Variants in KIAA1217 observed in about 807,000 individuals in gnomAD.
KIAA1217 encodes the protein KIAA1217, also known as sickle tail protein homolog.
KIAA1217 carries 88 observed loss-of-function variants against 163.9 expected under a neutral mutation model. The ratio of observed to expected loss-of-function variants is 0.54; its 90% CI spans 0.45 to 0.64. The LOEUF (loss-of-function observed/expected upper bound fraction) is 0.64. Among genes scored for constraint, KIAA1217 ranks in the 30% least tolerant of loss-of-function variants. The pLI is 0.00. For synonymous variants in KIAA1217, 903 were observed against 923.1 expected (o/e 0.98, Z 0.39); for missense variants, 2,372 against 2,475.0 (o/e 0.96, Z 0.88).
chr10:24,392,041 C>T (rs1034205504), intron 3 of KIAA1217, among the ~76,000 whole-genome samples: 1 of 152,084 alleles, frequency 6.6e-6, no homozygotes, highest in Non-Finnish European at 1.5e-5. Context: ...CTGGCTTCAT[C>T]AAAACCAATA....
chr10:23,928,248 A>G (rs140619745), intron 1 of KIAA1217, among the ~76,000 whole-genome samples: 3 of 152,290 alleles, frequency 2.0e-5, no homozygotes, highest in Admixed American at 6.5e-5. Context: ...CACGGTCCAG[A>G]TGGACTGGGG....
intron 2 of KIAA1217, among the ~76,000 whole-genome samples, chr10:24,335,048 A>G (rs2046167913): frequency 6.6e-6 from 1 of 152,224 alleles, no homozygotes; most frequent in African/African-American, 2.4e-5. Context: ...CCATCAACTG[A>G]TGAGCTAATA....
intron 1 of KIAA1217, among the ~76,000 whole-genome samples, chr10:23,964,383 C>T (rs192152197): frequency 1.3e-5 from 2 of 151,798 alleles, no homozygotes; most frequent in Non-Finnish European, 2.9e-5. Flanking sequence ...AAATTTTCTC[C>T]CATTCTGTAT....
At chr10:24,211,898 A>T (rs1284086465) in intron 1 of KIAA1217, among the ~76,000 whole-genome samples, 1 of 151,796 alleles carries the variant, frequency 6.6e-6, no homozygotes, top group African/African-American at 2.4e-5. Flanking sequence ...TAGAAAAAAA[A>T]ATTTAGCTAG....
chr10:24,506,427 T>C (rs1211193927), intron 9 of KIAA1217, among the ~76,000 whole-genome samples: 1 of 152,216 alleles, frequency 6.6e-6, no homozygotes, highest in African/African-American at 2.4e-5. Context: ...ATTTGCTAGT[T>C]TCTCCATGAA....
chr10:23,714,512 A>G (rs1447185933), intron 1 of KIAA1217, among the ~76,000 whole-genome samples: 1 of 152,060 alleles, frequency 6.6e-6, no homozygotes, highest in Non-Finnish European at 1.5e-5. Context: ...TGCAACTTGG[A>G]CTTTCCTGAA....
intron 2 of KIAA1217, among the ~76,000 whole-genome samples, chr10:24,115,789 G>T (rs2063028537): frequency 6.6e-6 from 1 of 152,204 alleles, no homozygotes; most frequent in East Asian, 1.9e-4. Flanking sequence ...CCTTGGAACT[G>T]GGGAGGTTCC....
chr10:23,818,014 C>T (rs1177790865), intron 1 of KIAA1217, among the ~76,000 whole-genome samples: 3,468 of 107,306 alleles, frequency 0.032, 319 homozygotes, highest in African/African-American at 0.13. Context: ...TATATACACA[C>T]ATATATATAC....
At chr10:24,259,091 C>T (rs7069996) in intron 2 of KIAA1217, among the ~76,000 whole-genome samples, 110,328 of 151,888 alleles carry the variant, frequency 0.73, 40,259 homozygotes, top group Admixed American at 0.79. Context: ...GAGATTCCAG[C>T]GAAAATCAGC....
intron 2 of KIAA1217, among the ~76,000 whole-genome samples, chr10:24,048,145 T>C (rs1178254099): frequency 2.0e-5 from 3 of 152,218 alleles, no homozygotes; most frequent in African/African-American, 4.8e-5. Context: ...TGGCAACTTA[T>C]GCTCACAGTT....
chr10:23,825,530 T>G (rs1416071364), intron 1 of KIAA1217, among the ~76,000 whole-genome samples: 3 of 152,190 alleles, frequency 2.0e-5, no homozygotes, highest in Non-Finnish European at 4.4e-5. Context: ...GTATTTCAGA[T>G]TGATTTTGGT....
intron 1 of KIAA1217, among the ~76,000 whole-genome samples, chr10:24,006,529 G>T (rs1242075661): frequency 2.6e-5 from 4 of 152,094 alleles, no homozygotes; most frequent in African/African-American, 9.7e-5. Context: ...GCAGGGGGAG[G>T]TTGCAATGTC....
chr10:24,220,446 C>CTTTTTTT lies in KIAA1217; in HGVS notation c.354+557_354+563dup, dbSNP rs530992369. Among the ~76,000 whole-genome samples the CTTTTTTT allele has an allele frequency of 1.4e-3, 148 of 103,086 alleles. 25 individuals are homozygous for CTTTTTTT. The highest frequency in any genetic ancestry group is 6.9e-3 in the African/African-American group (138 of 20,044). 67.6% of individuals were successfully genotyped at this position (103,086 alleles called of 152,430 possible). On this transcript the variant is annotated intron_variant, in intron 2 of 20. Coordinates refer to ENST00000376454, the MANE Select transcript of KIAA1217 (RefSeq NM_019590.5). ...ACATTAGGGTTTTGTTTCTGCTCTT[C>CTTTTTTT]TTTTTTTTTTTTTTTTTTTTTTTTT...
At chr10:24,470,703 A>G (rs954714223) in intron 5 of KIAA1217, among the ~76,000 whole-genome samples, 9 of 152,200 alleles carry the variant, frequency 5.9e-5, no homozygotes, top group African/African-American at 1.7e-4. Context: ...AATAGCCCCT[A>G]TAGGAGCCAA....
intron 3 of KIAA1217, among the ~76,000 whole-genome samples, chr10:24,390,786 A>G (rs750746312): frequency 8.5e-5 from 13 of 152,212 alleles, no homozygotes; most frequent in Non-Finnish European, 1.6e-4. Flanking sequence ...TTTCTTCAGT[A>G]TAGTGAAGCA....
At chr10:23,729,545 A>G (rs138971803) in intron 1 of KIAA1217, among the ~76,000 whole-genome samples, 5 of 152,268 alleles carry the variant, frequency 3.3e-5, no homozygotes, top group African/African-American at 1.2e-4. Context: ...TTATCTGAGG[A>G]CATATCATAT....
At chr10:24,013,650 A>G (rs1261788327) in intron 2 of KIAA1217, among the ~76,000 whole-genome samples, 2 of 152,108 alleles carry the variant, frequency 1.3e-5, no homozygotes, top group Non-Finnish European at 2.9e-5. Flanking sequence ...CTTTAATGTG[A>G]CTCAGAAATG....
chr10:23,863,416 A>G (rs139980718), intron 1 of KIAA1217, among the ~76,000 whole-genome samples: 68 of 152,274 alleles, frequency 4.5e-4, no homozygotes, highest in African/African-American at 1.6e-3. Flanking sequence ...GGGCTTTTCC[A>G]TATTTAATGA....
intron 2 of KIAA1217, among the ~76,000 whole-genome samples, chr10:24,168,137 A>G (rs1009795857): frequency 6.6e-6 from 1 of 152,164 alleles, no homozygotes; most frequent in African/African-American, 2.4e-5. Context: ...CTGAACTTGA[A>G]TCCTGGGGAT....
Sources: gnomAD v4.1 joint callset for allele counts (sites outside exome capture counted in the v4.1 genomes callset) on GRCh38, gnomAD v4.1.1 for gene constraint, MANE v1.5 for transcripts, NCBI Gene and HGNC (gene_info 2026-07-23, HGNC 2026-07-21) for gene names.